PTPRA: variants seen among roughly 807,000 people sequenced by gnomAD.
PTPRA encodes receptor-type tyrosine-protein phosphatase alpha.
PTPRA carries 25 observed loss-of-function variants against 104.8 expected under a neutral mutation model. The ratio of observed to expected loss-of-function variants is 0.24; its 90% CI spans 0.17 to 0.33. The LOEUF (loss-of-function observed/expected upper bound fraction) is 0.33, where lower values mean the gene tolerates loss of function less well. PTPRA is among the 10% of genes least tolerant of loss of function. The pLI is 1.00. For synonymous variants in PTPRA, 323 were observed against 368.9 expected (o/e 0.88, Z 1.43); for missense variants, 765 against 1,015.3 (o/e 0.75, Z 3.35).
chr20:2,926,766 T>C (rs2060310967), intron 2 of PTPRA, among the ~76,000 whole-genome samples: 1 of 127,056 alleles, frequency 7.9e-6, no homozygotes, highest in Admixed American at 9.2e-5. Context: ...CTTTTTCCTT[T>C]TCCTTTTTTT....
intron 6 of PTPRA, among the ~76,000 whole-genome samples, chr20:2,979,206 T>A (rs2062568375): frequency 6.6e-6 from 1 of 152,218 alleles, no homozygotes; most frequent in Non-Finnish European, 1.5e-5. Context: ...TGATTTCAAT[T>A]AGAATTTAAG....
chr20:3,020,049 C>T (rs539921094), intron 13 of PTPRA, among the ~76,000 whole-genome samples: 6 of 152,088 alleles, frequency 3.9e-5, no homozygotes, highest in Non-Finnish European at 7.4e-5. Context: ...GGCTCGGCAT[C>T]GGAGGGAGAC....
At chr20:2,975,704 A>G (rs1281373104) in intron 6 of PTPRA, among the ~76,000 whole-genome samples, 2 of 151,954 alleles carry the variant, frequency 1.3e-5, no homozygotes, top group African/African-American at 4.8e-5. Context: ...ATGGCCTGAG[A>G]TGTTGTGTCT....
At chr20:2,892,526 A>C (rs1202780852) in intron 1 of PTPRA, among the ~76,000 whole-genome samples, 1 of 152,162 alleles carries the variant, frequency 6.6e-6, no homozygotes, top group Non-Finnish European at 1.5e-5. Context: ...GGTGCTGGGC[A>C]GAAGCATTGA....
chr20:2,921,034 A>G (rs1004386898), intron 1 of PTPRA, among the ~76,000 whole-genome samples: 1 of 152,050 alleles, frequency 6.6e-6, no homozygotes, highest in African/African-American at 2.4e-5. Flanking sequence ...TGCTTTCTTC[A>G]TTTAGGTGCA....
intron 1 of PTPRA, among the ~76,000 whole-genome samples, chr20:2,877,125 A>G (rs1433284056): frequency 5.3e-5 from 8 of 152,164 alleles, no homozygotes; most frequent in Admixed American, 4.6e-4. Flanking sequence ...TTTCACATGG[A>G]AAAAAATGAG....
At chr20:2,936,019 C>CAA (rs754133556) in intron 2 of PTPRA, among the ~76,000 whole-genome samples, 4 of 132,618 alleles carry the variant, frequency 3.0e-5, no homozygotes, top group Admixed American at 7.6e-5. Context: ...AAATCCAACT[C>CAA]AAAAAAAAAA....
chr20:2,944,244 G>A (rs1322273293), intron 2 of PTPRA, among the ~76,000 whole-genome samples: 4 of 152,088 alleles, frequency 2.6e-5, no homozygotes, highest in African/African-American at 7.2e-5. Flanking sequence ...GTTTCACCAT[G>A]TTGGCCAGGC....
chr20:2,907,329 A>G (rs148971575), intron 1 of PTPRA, among the ~76,000 whole-genome samples: 45 of 152,082 alleles, frequency 3.0e-4, no homozygotes, highest in Non-Finnish European at 6.2e-4. Flanking sequence ...AAAAAGCATG[A>G]TAAAACTTTA....
chr20:3,010,188 G>A (rs1331101389), intron 11 of PTPRA, among the ~76,000 whole-genome samples: 1 of 151,660 alleles, frequency 6.6e-6, no homozygotes, highest in Non-Finnish European at 1.5e-5. Flanking sequence ...AAAGCAAATG[G>A]AGACCAGTTC....
chr20:3,025,479 C>A (rs146643736), intron 17 of PTPRA, among the ~76,000 whole-genome samples: 2 of 146,658 alleles, frequency 1.4e-5, no homozygotes, highest in African/African-American at 2.5e-5. Context: ...AAAGTGCTTT[C>A]TCAGAAGCAG....
chr20:2,918,839 GAGTTTC>G lies in PTPRA; in HGVS notation c.-128-4364_-128-4359del, dbSNP rs1196049127. ...TTTGGAGTCATGTACACCTGGGTTTGAGTTTCAGTCTTGCCATGTACCAGTTGTTTG... is the reference window on the plus strand; with the variant it reads ...TTTGGAGTCATGTACACCTGGGTTTGAGTCTTGCCATGTACCAGTTGTTTG... On this transcript the variant is annotated intron_variant, in intron 1 of 23. Coordinates refer to ENST00000399903, the MANE Select transcript of PTPRA (RefSeq NM_001385305.1). Among the ~76,000 whole-genome samples, 5 of 152,260 alleles carry G rather than the reference GAGTTTC, an allele frequency of 3.3e-5. No individual in the cohort carries two copies. The East Asian group carries it at 9.7e-4, about 29-fold the overall frequency.
chr20:2,970,381 A>T (rs2062134957), intron 5 of PTPRA, among the ~76,000 whole-genome samples: 1 of 152,226 alleles, frequency 6.6e-6, no homozygotes, highest in South Asian at 2.1e-4. Context: ...AGTGTGGTGA[A>T]TTGTTAAACT....
intron 5 of PTPRA, among the ~76,000 whole-genome samples, chr20:2,968,769 C>T (rs1246410654): frequency 2.0e-5 from 3 of 152,020 alleles, no homozygotes; most frequent in Non-Finnish European, 1.5e-5. Context: ...TAGAAATTAG[C>T]AGGGCCTAAT....
At chr20:2,933,892 T>TAATTAATTAAATATTTAATTAATTA (rs1276891848) in intron 2 of PTPRA, among the ~76,000 whole-genome samples, 3 of 152,236 alleles carry the variant, frequency 2.0e-5, no homozygotes, top group African/African-American at 7.2e-5. Context: ...TATTTCTTTT[T>TAATTAATTAAATATTTAATTAATTA]AATATTTAGG....
chr20:3,015,938 G>C, intron 12 of PTPRA, 53 bp downstream of exon 12: 1 of 1,507,686 alleles, frequency 6.6e-7, no homozygotes, highest in Non-Finnish European at 9.2e-7. Flanking sequence ...CACATAATGG[G>C]TTTGGTTTTT....
chr20:3,037,885 G>A lies in PTPRA; in HGVS notation c.2335-174G>A, dbSNP rs893134297. ...GTAGAAGGTCTGCTGCATTCAGCCC[G>A]GAAGGGGAATGCTGTCAGAACTCTG... On this transcript the variant is annotated intron_variant, in intron 23 of 23. Coordinates refer to ENST00000399903, the MANE Select transcript of PTPRA (RefSeq NM_001385305.1). This position sits in a 1 kb window ranked among gnomAD's most constrained non-coding sequence, Gnocchi z 4.3. Among the ~76,000 whole-genome samples the A allele has an allele frequency of 2.6e-5, 4 of 152,202 alleles. No individual in the cohort carries two copies. Among genetic ancestry groups the A allele is most frequent in the Non-Finnish European group, 5.9e-5 (4 of 68,036 alleles).
At position 2,989,860 on chromosome 20, in the gene PTPRA, A is replaced by G. The variant is rs534748981; in HGVS notation, c.738+1386A>G. Reference sequence around the variant, plus strand: ...GTGAAACCCTGTCTCTACTAAAAATACAAAAAATTAGCTGGGCATGGTGGT... The same window carrying G: ...GTGAAACCCTGTCTCTACTAAAAATGCAAAAAATTAGCTGGGCATGGTGGT... On this transcript the variant is annotated intron_variant, in intron 9 of 23. Coordinates refer to ENST00000399903, the MANE Select transcript of PTPRA (RefSeq NM_001385305.1). Among the ~76,000 whole-genome samples, 7 of 152,156 alleles carry G rather than the reference A, an allele frequency of 4.6e-5. No individual in the cohort carries two copies. In the South Asian group the frequency reaches 1.0e-3, roughly 23 times the overall value.
chr20:2,995,083 T>C (rs2063345738), intron 9 of PTPRA, among the ~76,000 whole-genome samples: 1 of 152,122 alleles, frequency 6.6e-6, no homozygotes, highest in South Asian at 2.1e-4. Context: ...TGAGCCAAGA[T>C]TGCACCACTG....
Sources: gnomAD v4.1 joint callset for allele counts (sites outside exome capture counted in the v4.1 genomes callset) on GRCh38, gnomAD v4.1.1 for gene constraint, Gnocchi (gnomAD v3.1) non-coding constraint, MANE v1.5 for transcripts, NCBI Gene and HGNC (gene_info 2026-07-23, HGNC 2026-07-21) for gene names.